KALRN: variants seen among roughly 807,000 people sequenced by gnomAD.
The protein encoded by KALRN is kalirin RhoGEF kinase.
A neutral mutation model predicts 353.7 loss-of-function variants in KALRN; 70 were observed. The observed-to-expected ratio is 0.20, with a 90% CI of 0.16 to 0.24. The LOEUF (loss-of-function observed/expected upper bound fraction) is 0.24. KALRN is among the 10% of genes least tolerant of loss of function. The pLI is 1.00. For synonymous variants in KALRN, 1,391 were observed against 1,434.8 expected, an observed-to-expected ratio of 0.97 and a Z score of 0.69; for missense variants, 2,791 against 3,756.7, an observed-to-expected ratio of 0.74 and a Z score of 6.72.
At chr3:124,046,020 C>T (rs903503412) in intron 1 of KALRN, among the ~76,000 whole-genome samples, 2 of 152,162 alleles carry the variant, frequency 1.3e-5, no homozygotes, top group Admixed American at 6.5e-5. Flanking sequence ...TTTGGGGGTA[C>T]TGATATTGCT....
intron 33 of KALRN, among the ~76,000 whole-genome samples, chr3:124,507,243 G>A (rs893738059): frequency 1.2e-4 from 18 of 152,004 alleles, no homozygotes; most frequent in South Asian, 2.1e-4. Flanking sequence ...GAACGGTCAC[G>A]GTTCTTAGGC....
At chr3:124,356,788 T>A (rs976943239) in intron 10 of KALRN, among the ~76,000 whole-genome samples, 1 of 152,170 alleles carries the variant, frequency 6.6e-6, no homozygotes, top group East Asian at 1.9e-4. Flanking sequence ...TTTTCCCTTT[T>A]CCCCAGGATT....
intron 33 of KALRN, among the ~76,000 whole-genome samples, chr3:124,514,558 A>G (rs1221603200): frequency 2.6e-5 from 4 of 152,184 alleles, no homozygotes; most frequent in Non-Finnish European, 5.9e-5. Flanking sequence ...TCATTCCCAC[A>G]ACAATTCTTC....
intron 33 of KALRN, among the ~76,000 whole-genome samples, chr3:124,515,259 C>A (rs1229049118): frequency 6.6e-6 from 1 of 152,092 alleles, no homozygotes; most frequent in African/African-American, 2.4e-5. Flanking sequence ...AAATAAACAG[C>A]ATTTATATGA....
intron 10 of KALRN, among the ~76,000 whole-genome samples, chr3:124,383,946 T>C (rs1302108888): frequency 6.6e-6 from 1 of 152,178 alleles, no homozygotes; most frequent in Non-Finnish European, 1.5e-5. Context: ...GTGCCAACTC[T>C]AGGGATACTT....
chr3:124,180,351 G>C (rs1335521199), intron 1 of KALRN, among the ~76,000 whole-genome samples: 1 of 152,162 alleles, frequency 6.6e-6, no homozygotes, highest in African/African-American at 2.4e-5. Flanking sequence ...AAAACTTTCT[G>C]GTTCCCCAGA....
intron 9 of KALRN, among the ~76,000 whole-genome samples, chr3:124,342,315 C>T (rs1387726597): frequency 3.3e-5 from 5 of 152,158 alleles, no homozygotes; most frequent in African/African-American, 9.7e-5. Context: ...CACCCAGCCC[C>T]TTCTCCCTTT....
intron 1 of KALRN, among the ~76,000 whole-genome samples, chr3:124,134,719 A>G (rs551874409): frequency 7.9e-5 from 12 of 152,352 alleles, no homozygotes; most frequent in Non-Finnish European, 1.5e-4. Context: ...GGTTAAGGAC[A>G]TGAATAGACG....
At chr3:124,050,684 C>T (rs1354263107) in intron 1 of KALRN, among the ~76,000 whole-genome samples, 1 of 152,164 alleles carries the variant, frequency 6.6e-6, no homozygotes, top group African/African-American at 2.4e-5. Flanking sequence ...AGGAAAAGGG[C>T]TTTCCCTCTT....
intron 6 of KALRN, among the ~76,000 whole-genome samples, chr3:124,315,071 C>T (rs2078677299): frequency 6.6e-6 from 1 of 152,192 alleles, no homozygotes; most frequent in Admixed American, 6.5e-5. Context: ...CCACTAGGCC[C>T]TACCTCCAAC....
At chr3:124,357,474 C>T (rs796452823) in intron 10 of KALRN, among the ~76,000 whole-genome samples, 4 of 152,276 alleles carry the variant, frequency 2.6e-5, no homozygotes, top group African/African-American at 9.6e-5. Context: ...TTTGGCTTTA[C>T]CTTTTACCCC....
chr3:124,676,831 C>T (rs2087244949), intron 49 of KALRN, among the ~76,000 whole-genome samples: 1 of 152,154 alleles, frequency 6.6e-6, no homozygotes. Flanking sequence ...GCTTCTATGG[C>T]TGGTTCTCAC....
intron 10 of KALRN, among the ~76,000 whole-genome samples, chr3:124,376,449 A>G (rs1200107975): frequency 1.3e-5 from 2 of 152,148 alleles, no homozygotes; most frequent in African/African-American, 2.4e-5. Context: ...GTTTCTTCTT[A>G]CTTCTTTCCA....
chr3:124,118,707 C>T (rs1231831454), intron 1 of KALRN, among the ~76,000 whole-genome samples: 1 of 152,198 alleles, frequency 6.6e-6, no homozygotes, highest in African/African-American at 2.4e-5. Flanking sequence ...TTTAATTTCT[C>T]ATATTTTTAT....
At chr3:124,636,042 A>G (rs1185262677) in intron 36 of KALRN, among the ~76,000 whole-genome samples, 2 of 152,230 alleles carry the variant, frequency 1.3e-5, no homozygotes, top group Non-Finnish European at 2.9e-5. Flanking sequence ...TTGATTTTCC[A>G]CATGGACGTA....
At chr3:124,548,053 T>A (rs1487105249) in intron 33 of KALRN, among the ~76,000 whole-genome samples, 1 of 152,018 alleles carries the variant, frequency 6.6e-6, no homozygotes, top group Non-Finnish European at 1.5e-5. Flanking sequence ...TCTCAGCGAG[T>A]GTGGTTGGTA....
At chr3:124,517,112 G>A (rs976711534) in intron 33 of KALRN, among the ~76,000 whole-genome samples, 6 of 152,124 alleles carry the variant, frequency 3.9e-5, no homozygotes, top group African/African-American at 9.7e-5. Context: ...CACCATGCCC[G>A]GCCGTGATTT....
At chr3:124,633,570 C>T (rs2081018566) in intron 35 of KALRN, among the ~76,000 whole-genome samples, 1 of 152,202 alleles carries the variant, frequency 6.6e-6, no homozygotes, top group Non-Finnish European at 1.5e-5. Flanking sequence ...TCTCTGACTA[C>T]TTCCAGCTTT....
At chr3:124,394,802 G>A (rs377125633) in intron 11 of KALRN, among the ~76,000 whole-genome samples, 17 of 152,200 alleles carry the variant, frequency 1.1e-4, no homozygotes, top group South Asian at 2.1e-4. Flanking sequence ...AATAATATTC[G>A]TTCATTCTAG....
Sources: allele counts gnomAD v4.1 joint callset (sites outside exome capture counted in the v4.1 genomes callset), GRCh38; gene constraint gnomAD v4.1.1; transcripts MANE v1.5; gene names NCBI Gene and HGNC (gene_info 2026-07-23, HGNC 2026-07-21).